Variants in ZFPM2 observed in about 807,000 individuals in gnomAD.
ZFPM2 encodes the protein zinc finger protein, FOG family member 2, also known as zinc finger protein ZFPM2.
Under a neutral mutation model 98.6 loss-of-function variants are expected in ZFPM2, and 20 were observed. That is an observed-to-expected ratio of 0.20 (90% CI 0.14 to 0.29). The LOEUF is 0.29. ZFPM2 is among the 10% of genes least tolerant of loss of function. The pLI is 1.00. For missense variants in ZFPM2, 1,310 were observed against 1,388.6 expected (o/e 0.94, Z 0.90); for synonymous variants, 518 against 502.7 (o/e 1.03, Z -0.41).
chr8:105,341,106 G>A (rs1159676650), intron 1 of ZFPM2, among the ~76,000 whole-genome samples: 2 of 151,880 alleles, frequency 1.3e-5, no homozygotes, highest in Non-Finnish European at 2.9e-5. Flanking sequence ...CAGGAAAAAA[G>A]CAGATGTGTC....
At chr8:105,410,220 G>A (rs1189005685) in intron 1 of ZFPM2, among the ~76,000 whole-genome samples, 1 of 151,808 alleles carries the variant, frequency 6.6e-6, no homozygotes, top group Non-Finnish European at 1.5e-5. Flanking sequence ...CTAATTAAAT[G>A]TTTCCCCCTC....
rs113738094 is a variant in ZFPM2 at position 105,603,146 on chromosome 8, C to G, written c.421-31100C>G. ...AAAATTGTATGGTGTTAGGCAATAG[C>G]AAAGGGATTCCATACCAAAAGGTGC... On this transcript the variant is annotated intron_variant, in intron 4 of 7. Coordinates refer to ENST00000407775, the MANE Select transcript of ZFPM2 (RefSeq NM_012082.4). Among the ~76,000 whole-genome samples the G allele has an allele frequency of 1.6e-4, 24 of 152,162 alleles. No homozygotes were observed. The East Asian group carries it at 4.6e-3, about 29-fold the overall frequency.
intron 2 of ZFPM2, among the ~76,000 whole-genome samples, chr8:105,430,851 T>A (rs1399503002): frequency 1.3e-5 from 2 of 151,792 alleles, no homozygotes; most frequent in Non-Finnish European, 2.9e-5. Context: ...TTACAGTAGG[T>A]TCCCAGAAGT....
chr8:105,548,616 T>C (rs755915751), intron 3 of ZFPM2, among the ~76,000 whole-genome samples: 1 of 152,144 alleles, frequency 6.6e-6, no homozygotes, highest in Admixed American at 6.5e-5. Context: ...TGACATTCTA[T>C]TTGTTCATTT....
intron 4 of ZFPM2, among the ~76,000 whole-genome samples, chr8:105,590,609 C>T (rs1815820256): frequency 6.6e-6 from 1 of 152,126 alleles, no homozygotes; most frequent in Non-Finnish European, 1.5e-5. Context: ...ATGTTTTGTC[C>T]AAAACTTTAA....
chr8:105,410,748 A>G (rs1232866286), intron 1 of ZFPM2, among the ~76,000 whole-genome samples: 1 of 151,974 alleles, frequency 6.6e-6, no homozygotes, highest in Non-Finnish European at 1.5e-5. Context: ...ATAGAAGTCT[A>G]TAAAGTTATA....
intron 1 of ZFPM2, among the ~76,000 whole-genome samples, chr8:105,397,749 T>C (rs1410996801): frequency 2.6e-5 from 4 of 152,274 alleles, no homozygotes; most frequent in Non-Finnish European, 2.9e-5. Flanking sequence ...ATACTGGTGA[T>C]ATGCGATATA....
intron 3 of ZFPM2, among the ~76,000 whole-genome samples, chr8:105,524,511 A>G (rs1203981413): frequency 6.6e-6 from 1 of 151,990 alleles, no homozygotes; most frequent in Non-Finnish European, 1.5e-5. Context: ...TCACACACAC[A>G]CACACACTGA....
At chr8:105,533,196 C>T (rs549088781) in intron 3 of ZFPM2, among the ~76,000 whole-genome samples, 24 of 152,106 alleles carry the variant, frequency 1.6e-4, no homozygotes, top group Non-Finnish European at 3.4e-4. Context: ...AAGTAGACTG[C>T]AAACATAATA....
At chr8:105,430,996 C>T (rs185322451) in intron 2 of ZFPM2, among the ~76,000 whole-genome samples, 6 of 151,262 alleles carry the variant, frequency 4.0e-5, no homozygotes, top group African/African-American at 1.2e-4. Flanking sequence ...CTCTGTCTCA[C>T]GAGTTCAAGC....
chr8:105,386,625 G>C (rs564077133), intron 1 of ZFPM2, among the ~76,000 whole-genome samples: 1 of 152,114 alleles, frequency 6.6e-6, no homozygotes, highest in Non-Finnish European at 1.5e-5. Context: ...GTGAGCAGCA[G>C]CAAGATTTAT....
At chr8:105,438,503 C>T (rs149592397) in intron 2 of ZFPM2, among the ~76,000 whole-genome samples, 4 of 152,260 alleles carry the variant, frequency 2.6e-5, no homozygotes, top group East Asian at 1.9e-4. Context: ...TCTGATTACT[C>T]GGCAATGTAT....
rs1480835006 is a variant in ZFPM2, at chr8:105,803,446, C to T, written c.3364C>T (p.Arg1122Trp). 14 of 1,613,590 alleles carry T rather than the reference C, an allele frequency of 8.7e-6. No homozygotes were observed. The highest frequency in any genetic ancestry group is 6.7e-5 in the Admixed American group (4 of 59,968). The change falls in exon 8 of 8, where the codon CGG becomes TGG. Residue 1122 changes from arginine to tryptophan, a missense_variant. Coordinates refer to ENST00000407775, the MANE Select transcript of ZFPM2 (RefSeq NM_012082.4). ...GGCTCCAACCAGTGGGAAATATTGCCGGCTATGTGATATCCAGTTCAACAA... is the reference window on the plus strand; with the variant it reads ...GGCTCCAACCAGTGGGAAATATTGCTGGCTATGTGATATCCAGTTCAACAA... ...SQAPTSGKYC[R>W]LCDIQFNNLS... is the part of the protein sequence containing the mutation.
chr8:105,718,874 A>G (rs973912761), intron 5 of ZFPM2, among the ~76,000 whole-genome samples: 3 of 151,900 alleles, frequency 2.0e-5, no homozygotes, highest in African/African-American at 7.2e-5. Context: ...TTTCTTATTT[A>G]GATTTCACAG....
chr8:105,413,584 G>A (rs1363381985), intron 1 of ZFPM2, among the ~76,000 whole-genome samples: 1 of 150,010 alleles, frequency 6.7e-6, no homozygotes, highest in Non-Finnish European at 1.5e-5. Flanking sequence ...TGATTTGGAG[G>A]TTCCTTTTGT....
intron 1 of ZFPM2, among the ~76,000 whole-genome samples, chr8:105,340,401 A>G (rs746980129): frequency 7.2e-5 from 11 of 151,910 alleles, no homozygotes; most frequent in Non-Finnish European, 1.5e-4. Flanking sequence ...TTATCACACA[A>G]TCAGATTACA....
At chr8:105,781,553 T>C (rs1586259638) in intron 5 of ZFPM2, among the ~76,000 whole-genome samples, 1 of 152,078 alleles carries the variant, frequency 6.6e-6, no homozygotes, top group Admixed American at 6.5e-5. Context: ...AAACCCCATC[T>C]CTACTAAAAA....
chr8:105,592,373 C>G (rs1815868582), intron 4 of ZFPM2, among the ~76,000 whole-genome samples: 1 of 152,002 alleles, frequency 6.6e-6, no homozygotes, highest in South Asian at 2.1e-4. Context: ...GAAGGGTGGC[C>G]AAATTGGCAG....
chr8:105,415,053 G>T (rs1269216843), intron 1 of ZFPM2: 1 of 152,058 alleles, frequency 6.6e-6, no homozygotes, highest in Non-Finnish European at 1.5e-5. Context: ...TTTCTCTCCA[G>T]AGTGCAAAGG....
Sources: gnomAD v4.1 joint callset for allele counts (sites outside exome capture counted in the v4.1 genomes callset) on GRCh38, gnomAD v4.1.1 for gene constraint, MANE v1.5 for transcripts, NCBI Gene and HGNC (gene_info 2026-07-23, HGNC 2026-07-21) for gene names.